BANK1: variants seen among roughly 807,000 people sequenced by gnomAD.
BANK1 encodes the protein B cell scaffold protein with ankyrin repeats 1, also known as B-cell scaffold protein with ankyrin repeats.
In BANK1, 95 loss-of-function variants were observed where a neutral mutation model predicts 94.5. The ratio of observed to expected loss-of-function variants is 1.00; its 90% CI spans 0.85 to 1.19. The LOEUF is 1.19. Ranked by LOEUF, BANK1 falls within the 50% of genes most tolerant of loss-of-function variation. The pLI is 0.00. For synonymous variants in BANK1, 334 were observed against 308.4 expected, an observed-to-expected ratio of 1.08 and a Z score of -0.87; for missense variants, 987 against 932.2, an observed-to-expected ratio of 1.06 and a Z score of -0.77.
chr4:102,070,612 G>A (rs1214209294), intron 13 of BANK1, among the ~76,000 whole-genome samples: 3 of 152,104 alleles, frequency 2.0e-5, no homozygotes, highest in Non-Finnish European at 2.9e-5. Flanking sequence ...CCCTCTCCCC[G>A]GCACAGGCTG....
intron 6 of BANK1, among the ~76,000 whole-genome samples, chr4:101,896,498 A>G (rs1449898730): frequency 6.6e-6 from 1 of 151,996 alleles, no homozygotes. Flanking sequence ...AAGCTGCATA[A>G]TGGTGAGGTT....
chr4:102,056,545 G>GA (rs1192946873), intron 11 of BANK1, among the ~76,000 whole-genome samples: 3 of 151,724 alleles, frequency 2.0e-5, no homozygotes, highest in African/African-American at 4.8e-5. Flanking sequence ...CCCTAATTCA[G>GA]AAAAAAGGAA....
At chr4:101,960,048 A>G (rs1724516324) in intron 7 of BANK1, among the ~76,000 whole-genome samples, 1 of 152,184 alleles carries the variant, frequency 6.6e-6, no homozygotes, top group South Asian at 2.1e-4. Context: ...TTATGGAAGA[A>G]AACATGAAGT....
intron 1 of BANK1, among the ~76,000 whole-genome samples, chr4:101,824,504 A>G (rs1195245409): frequency 6.6e-5 from 10 of 152,300 alleles, no homozygotes; most frequent in Non-Finnish European, 1.5e-5. Context: ...AAAAATCCCC[A>G]GTTTTGTTCT....
At chr4:101,997,714 T>C (rs1386602435) in intron 7 of BANK1, among the ~76,000 whole-genome samples, 1 of 152,160 alleles carries the variant, frequency 6.6e-6, no homozygotes, top group Admixed American at 6.5e-5. Flanking sequence ...TGCATAGAGG[T>C]GTTTATAGTA....
intron 7 of BANK1, among the ~76,000 whole-genome samples, chr4:101,925,718 C>T (rs1346974294): frequency 6.6e-6 from 1 of 151,636 alleles, no homozygotes; most frequent in Non-Finnish European, 1.5e-5. Flanking sequence ...CCTTGGATAC[C>T]TAAGTTTTTG....
intron 7 of BANK1, among the ~76,000 whole-genome samples, chr4:101,948,582 C>T (rs1442800015): frequency 5.3e-5 from 8 of 151,986 alleles, no homozygotes; most frequent in Non-Finnish European, 8.8e-5. Flanking sequence ...ATATTTTCTC[C>T]CCACCCTTTT....
At chr4:101,849,959 G>C (rs143399650) in intron 2 of BANK1, among the ~76,000 whole-genome samples, 3 of 152,268 alleles carry the variant, frequency 2.0e-5, no homozygotes, top group Non-Finnish European at 4.4e-5. Context: ...AAAAGTGTTA[G>C]AAGAGGAAAG....
intron 1 of BANK1, among the ~76,000 whole-genome samples, chr4:101,803,470 G>A (rs1309018504): frequency 1.3e-5 from 2 of 152,032 alleles, no homozygotes; most frequent in African/African-American, 2.4e-5. Flanking sequence ...TTGTGCTAGC[G>A]AAAATGAGAG....
chr4:101,983,825 A>G (rs1725397734), intron 7 of BANK1, among the ~76,000 whole-genome samples: 2 of 152,114 alleles, frequency 1.3e-5, no homozygotes, highest in Non-Finnish European at 2.9e-5. Flanking sequence ...TACTTTCAAT[A>G]TTATTTTAAT....
At chr4:101,922,446 TG>T (rs1398520246) in intron 7 of BANK1, among the ~76,000 whole-genome samples, 2 of 151,804 alleles carry the variant, frequency 1.3e-5, no homozygotes, top group Non-Finnish European at 2.9e-5. Context: ...TGATGGATAG[TG>T]GGCTCTCCTC....
chr4:101,929,188 C>A (rs199959762), intron 7 of BANK1, among the ~76,000 whole-genome samples: 2 of 9,590 alleles, frequency 2.1e-4, no homozygotes, highest in Non-Finnish European at 1.1e-3. Context: ...CATAATAATT[C>A]CCAAATATTT....
chr4:101,938,289 C>T (rs1241783730), intron 7 of BANK1, among the ~76,000 whole-genome samples: 1 of 150,476 alleles, frequency 6.6e-6, no homozygotes, highest in African/African-American at 2.4e-5. Context: ...ATGATGGTTA[C>T]CAGAGACTGG....
intron 2 of BANK1, among the ~76,000 whole-genome samples, chr4:101,846,401 G>C (rs530895085): frequency 6.6e-6 from 1 of 152,258 alleles, no homozygotes; most frequent in East Asian, 1.9e-4. Flanking sequence ...ATTGACTGCT[G>C]TATGCATGGA....
chr4:101,892,601 T>G (rs1721918639), intron 5 of BANK1, among the ~76,000 whole-genome samples: 1 of 151,770 alleles, frequency 6.6e-6, no homozygotes, highest in Non-Finnish European at 1.5e-5. Context: ...CTAATATAAT[T>G]TCATCATTTT....
intron 2 of BANK1, among the ~76,000 whole-genome samples, chr4:101,846,628 G>T (rs979701255): frequency 6.6e-6 from 1 of 152,170 alleles, no homozygotes; most frequent in African/African-American, 2.4e-5. Flanking sequence ...GGGGAAGCAA[G>T]GAATATCTTA....
intron 2 of BANK1, among the ~76,000 whole-genome samples, chr4:101,838,114 G>A (rs1024666523): frequency 9.9e-5 from 15 of 151,876 alleles, no homozygotes; most frequent in African/African-American, 3.6e-4. Context: ...TGTGTGCTAC[G>A]CCCGGCTAAT....
intron 7 of BANK1, among the ~76,000 whole-genome samples, chr4:101,947,309 A>ATATATATATATATATATATATGTATG (rs1176507515): frequency 1.5e-4 from 10 of 67,890 alleles, no homozygotes; most frequent in African/African-American, 3.6e-4. Flanking sequence ...ATATATATAT[A>ATATATATATATATATATATATGTATG]TATGTATATG....
intron 13 of BANK1, among the ~76,000 whole-genome samples, chr4:102,066,509 G>A (rs1183375159): frequency 1.3e-5 from 2 of 151,932 alleles, no homozygotes; most frequent in African/African-American, 2.4e-5. Context: ...CGCCCGCCTC[G>A]GCCTCCCAAA....
Sources: gnomAD v4.1 joint callset for allele counts (sites outside exome capture counted in the v4.1 genomes callset) on GRCh38, gnomAD v4.1.1 for gene constraint, MANE v1.5 for transcripts, NCBI Gene and HGNC (gene_info 2026-07-23, HGNC 2026-07-21) for gene names.